SLC27A1: variants seen among roughly 807,000 people sequenced by gnomAD.
SLC27A1 encodes the protein long-chain fatty acid transport protein 1.
SLC27A1 carries 61 observed loss-of-function variants against 62.2 expected under a neutral mutation model. The observed-to-expected ratio is 0.98, with a 90% CI of 0.80 to 1.21. SLC27A1 has a LOEUF of 1.21. Ranked by LOEUF, SLC27A1 falls within the 50% of genes most tolerant of loss-of-function variation. SLC27A1 has a pLI of 0.00. For missense variants in SLC27A1, 903 were observed against 932.1 expected, an observed-to-expected ratio of 0.97 and a Z score of 0.41; for synonymous variants, 435 against 408.6, an observed-to-expected ratio of 1.06 and a Z score of -0.78.
chr19:17,501,167 A>G, intron 10 of SLC27A1, 106 bp from the exon 11 acceptor site: 1 of 1,460,616 alleles, frequency 6.8e-7, no homozygotes, highest in Non-Finnish European at 9.2e-7. Context: ...CCAGGTTGGG[A>G]GAGACTGGAG....
At chr19:17,470,246 G>A (rs376225008), upstream of SLC27A1, among the ~76,000 whole-genome samples, 16 of 152,092 alleles carry the variant, frequency 1.1e-4, no homozygotes, top group East Asian at 1.2e-3. Context: ...CCCAGGGTCC[G>A]GGGGCGGAGC....
At chr19:17,483,704 G>A (rs997834933) in intron 1 of SLC27A1, among the ~76,000 whole-genome samples, 1 of 151,982 alleles carries the variant, frequency 6.6e-6, no homozygotes, top group Non-Finnish European at 1.5e-5. Flanking sequence ...TCATGGAGCC[G>A]GCCCCTGCCC....
At chr19:17,477,485 C>T (rs887122180) in intron 1 of SLC27A1, among the ~76,000 whole-genome samples, 1 of 151,636 alleles carries the variant, frequency 6.6e-6, no homozygotes, top group Non-Finnish European at 1.5e-5. Context: ...CTCAGGTGAT[C>T]CACCCACCTT....
intron 1 of SLC27A1, among the ~76,000 whole-genome samples, chr19:17,480,945 G>A (rs1335043792): frequency 6.7e-6 from 1 of 148,582 alleles, no homozygotes; most frequent in Non-Finnish European, 1.5e-5. Flanking sequence ...TTTTTTTTGA[G>A]ATGGAGTTTT....
chr19:17,490,020 G>A (rs2144587078), intron 6 of SLC27A1: 1 of 152,372 alleles, frequency 6.6e-6, no homozygotes, highest in South Asian at 2.1e-4. Flanking sequence ...GGGGGCTCTG[G>A]GCTGAGCATC....
chr19:17,486,492 G>T lies in SLC27A1; in HGVS notation c.168-71G>T. On this transcript the variant is annotated intron_variant, in intron 1 of 11. Transcript: ENST00000252595. The surrounding 1 kb of genome is among the most constrained non-coding windows in gnomAD (Gnocchi z 6.6). ...GGCTGCCCTGGGGTCCTCCAGCGGG[G>T]AGGCTGAGGCTCCCAGAGGCCAGGC... 1.4e-6 allele frequency: 2 copies of T among 1,476,564 alleles called. No homozygotes were observed. Among genetic ancestry groups the T allele is most frequent in the Non-Finnish European group, 1.8e-6 (2 of 1,113,612 alleles). 91.5% of individuals were successfully genotyped at this position (1,476,564 alleles called of 1,614,324 possible). A position where few individuals can be genotyped will look rare whatever the true frequency, so the allele number is the denominator to read the frequency against.
In SLC27A1 at chr19:17,497,204, C is replaced by A. The variant is rs755419831; in HGVS notation, c.997-51C>A. On this transcript the variant is annotated intron_variant, in intron 6 of 11. Transcript: ENST00000252595. ...CTCGGGGTCTCTCCTCTGATCCGGG[C>A]TCCCCACCGCCTGCCGGTCCCATCA... The A allele has an allele frequency of 3.3e-6, 5 of 1,500,824 alleles. No individual in the cohort carries two copies. In the East Asian group the frequency reaches 1.2e-4, roughly 37 times the overall value. The allele number at this position is 1,500,824 out of a possible 1,614,324, so 93.0% of individuals were successfully genotyped here. A position where few individuals can be genotyped will look rare whatever the true frequency, so the allele number is the denominator to read the frequency against.
At chr19:17,479,930 C>G (rs991249953) in intron 1 of SLC27A1, among the ~76,000 whole-genome samples, 1 of 151,860 alleles carries the variant, frequency 6.6e-6, no homozygotes, top group Admixed American at 6.6e-5. Flanking sequence ...AGGCGTGAGC[C>G]CCTGTGCCCA....
chr19:17,488,795 CT>C, intron 4 of SLC27A1, 52 bp from the exon 5 acceptor site: 1 of 1,523,298 alleles, frequency 6.6e-7, no homozygotes, highest in Non-Finnish European at 9.0e-7. Context: ...TGCCTGTACC[CT>C]GGGGGATTTA....
Position 17,500,413 on chromosome 19 carries a change from G to A in SLC27A1, c.1333+9G>A. 1.9e-6 allele frequency: 3 copies of A among 1,613,572 alleles called. No homozygotes were observed. Among genetic ancestry groups the A allele is most frequent in the African/African-American group, 1.3e-5 (1 of 75,058 alleles). On this transcript the variant is annotated intron_variant, in intron 8 of 11. Coordinates refer to ENST00000252595, the MANE Select transcript of SLC27A1 (RefSeq NM_198580.3). The stretch of plus-strand genomic sequence containing the variant: ...CATCCCCTGCCAGGCCGGTGAGCAG[G>A]GCCCCCGCATGGTCCCCACCCGGAG...
intron 6 of SLC27A1, among the ~76,000 whole-genome samples, chr19:17,492,634 A>AC (rs1325799782): frequency 2.7e-5 from 4 of 149,882 alleles, no homozygotes; most frequent in African/African-American, 9.8e-5. Context: ...AAAAAAAAAA[A>AC]AGAAAAAGAA....
At position 17,504,438 on chromosome 19, in the gene SLC27A1, C is replaced by T. The variant is rs2075453026; in HGVS notation, c.1784-17C>T. The T allele has an allele frequency of 3.7e-6, 6 of 1,613,984 alleles. No individual in the cohort carries two copies. The East Asian group carries it at 1.1e-4, about 30-fold the overall frequency. ...GCCACCTGCTCAGCCCTTATCTGCCCCCCATCCCCACTATAGGCACCTTCA... is the reference window on the plus strand; with the variant it reads ...GCCACCTGCTCAGCCCTTATCTGCCTCCCATCCCCACTATAGGCACCTTCA... On this transcript the variant is annotated splice_polypyrimidine_tract_variant and intron_variant, in intron 11 of 11. Transcript: ENST00000252595.
intron 7 of SLC27A1, chr19:17,499,159 GT>G: frequency 2.8e-5 from 6 of 216,844 alleles, no homozygotes; most frequent in South Asian, 2.3e-4. Context: ...AGTAGCAGGT[GT>G]TTTTCCTTGA....
rs1006725567 is a variant in SLC27A1 at position 17,486,665 on chromosome 19, C to A, written c.270C>A (p.Pro90=). ...TTCAGGCGGTAGTGCAGCGACAGCC[C>A]GAGCGCCTGGCGCTGGTGGATGCCG... The part of the protein sequence containing the change: ...RIFQAVVQRQ[P]ERLALVDAGT... The change falls in exon 2 of 12, where the codon CCC becomes CCA. Residue 90 remains proline, a synonymous_variant. Coordinates refer to ENST00000252595, the MANE Select transcript of SLC27A1 (RefSeq NM_198580.3). The surrounding 1 kb of genome is among the most constrained non-coding windows in gnomAD (Gnocchi z 6.6). The A allele has an allele frequency of 6.2e-7, 1 of 1,609,046 alleles. No individual in the cohort carries two copies. The highest frequency in any genetic ancestry group is 8.5e-7 in the Non-Finnish European group (1 of 1,179,476).
chr19:17,500,416 C>G lies in SLC27A1; in HGVS notation c.1333+12C>G. ...CCCCTGCCAGGCCGGTGAGCAGGGCCCCCGCATGGTCCCCACCCGGAGCAG... is the reference window on the plus strand; with the variant it reads ...CCCCTGCCAGGCCGGTGAGCAGGGCGCCCGCATGGTCCCCACCCGGAGCAG... On this transcript the variant is annotated intron_variant, in intron 8 of 11. Transcript: ENST00000252595. 1 of 1,613,496 alleles carries G rather than the reference C, an allele frequency of 6.2e-7. No individual in the cohort carries two copies. The highest frequency in any genetic ancestry group is 8.5e-7 in the Non-Finnish European group (1 of 1,179,678).
At chr19:17,478,165 A>G (rs2075142732) in intron 1 of SLC27A1, among the ~76,000 whole-genome samples, 1 of 152,152 alleles carries the variant, frequency 6.6e-6, no homozygotes, top group South Asian at 2.1e-4. Context: ...CGAAGTCACC[A>G]GCAAAAATCA....
At position 17,505,386 on chromosome 19, in the gene SLC27A1, G is replaced by A. The variant is rs1272364323; in HGVS notation, c.*774G>A. 6.3e-6 allele frequency: 1 copy of A among 159,530 alleles called. No individual in the cohort carries two copies. The highest frequency in any genetic ancestry group is 2.4e-5 in the African/African-American group (1 of 41,462). The allele number at this position is 159,530 out of a possible 1,614,324, so 9.9% of individuals were successfully genotyped here. A position where few individuals can be genotyped will look rare whatever the true frequency, so the allele number is the denominator to read the frequency against. ...CGATCCAGGCCTCCTGTGGCTGTTGGGTTCCAGATGCTGCAGCTCCATGTG... is the reference window on the plus strand; with the variant it reads ...CGATCCAGGCCTCCTGTGGCTGTTGAGTTCCAGATGCTGCAGCTCCATGTG... On this transcript the variant is annotated 3_prime_UTR_variant, in exon 12 of 12. Transcript: ENST00000252595.
upstream of SLC27A1, chr19:17,470,362 A>T (rs966446978): frequency 2.8e-6 from 2 of 715,268 alleles, no homozygotes; most frequent in African/African-American, 3.8e-5. Context: ...TGAGGAGTTG[A>T]CCAATCCCAG....
In SLC27A1 at chr19:17,501,514, C is replaced by T; in HGVS notation, c.1783+95C>T. 2.0e-6 allele frequency: 3 copies of T among 1,505,980 alleles called. No individual in the cohort carries two copies. In the Admixed American group the frequency reaches 5.7e-5, roughly 29 times the overall value. The allele number at this position is 1,505,980 out of a possible 1,614,324, so 93.3% of individuals were successfully genotyped here. On this transcript the variant is annotated intron_variant, in intron 11 of 11. Coordinates refer to ENST00000252595, the MANE Select transcript of SLC27A1 (RefSeq NM_198580.3). ...ATTTTGTGTTGCTCTAAAAGAATAC[C>T]TGGCCGGGGCCAGGCACGGTGGCTC...
Sources: allele counts gnomAD v4.1 joint callset (sites outside exome capture counted in the v4.1 genomes callset), GRCh38; gene constraint gnomAD v4.1.1; non-coding constraint Gnocchi (gnomAD v3.1); transcripts MANE v1.5; gene names NCBI Gene and HGNC (gene_info 2026-07-23, HGNC 2026-07-21).